Variants in LYZL4 observed in about 807,000 individuals in gnomAD.
LYZL4 encodes the protein lysozyme-like protein 4.
A neutral mutation model predicts 17.6 loss-of-function variants in LYZL4; 13 were observed. The ratio of observed to expected loss-of-function variants is 0.74; its 90% CI spans 0.48 to 1.18. The LOEUF (loss-of-function observed/expected upper bound fraction) is 1.18, where lower values mean the gene tolerates loss of function less well. Ranked by LOEUF, LYZL4 falls within the 50% of genes most tolerant of loss-of-function variation. The pLI, the probability that LYZL4 is intolerant of heterozygous loss-of-function variation, is 0.00. For synonymous variants in LYZL4, 64 were observed against 67.7 expected, an observed-to-expected ratio of 0.95 and a Z score of 0.27; for missense variants, 174 against 188.2, an observed-to-expected ratio of 0.92 and a Z score of 0.44.
chr3:42,374,834 C>CT, the LYZL4 span, among the ~76,000 whole-genome samples: 3 of 151,966 alleles, frequency 2.0e-5, no homozygotes, highest in Admixed American at 6.6e-5. Flanking sequence ...TTTTTTAAAA[C>CT]TTTTTTGAGA....
chr3:42,395,613 A>T (rs1334132980), downstream of LYZL4, among the ~76,000 whole-genome samples: 1 of 152,116 alleles, frequency 6.6e-6, no homozygotes, highest in African/African-American at 2.4e-5. Context: ...CAGTGAGGGG[A>T]TATTCTTAAT....
At chr3:42,405,073 G>C (rs1490669660) in intron 3 of LYZL4, among the ~76,000 whole-genome samples, 1 of 151,918 alleles carries the variant, frequency 6.6e-6, no homozygotes, top group African/African-American at 2.4e-5. Flanking sequence ...TTTTGAGAGG[G>C]ATTCTCGCTC....
the LYZL4 span, among the ~76,000 whole-genome samples, chr3:42,367,310 A>G: frequency 1.3e-5 from 2 of 152,250 alleles, no homozygotes; most frequent in African/African-American, 2.4e-5. Flanking sequence ...AATCCCTGAT[A>G]TGACACTTGG....
chr3:42,374,693 G>A, the LYZL4 span, among the ~76,000 whole-genome samples: 1 of 152,044 alleles, frequency 6.6e-6, no homozygotes, highest in African/African-American at 2.4e-5. Flanking sequence ...CTGTATCCTC[G>A]CCACTGGTGC....
At chr3:42,384,193 G>A in the LYZL4 span, among the ~76,000 whole-genome samples, 4 of 152,310 alleles carry the variant, frequency 2.6e-5, no homozygotes, top group East Asian at 3.9e-4. Context: ...TTTTGACTTA[G>A]AGTTCTGCAC....
the LYZL4 span, among the ~76,000 whole-genome samples, chr3:42,385,641 G>T: frequency 4.6e-5 from 7 of 152,070 alleles, no homozygotes; most frequent in Non-Finnish European, 1.0e-4. Context: ...AGGCCCTGTG[G>T]GATTATGGGG....
At chr3:42,387,602 C>G in the LYZL4 span, among the ~76,000 whole-genome samples, 1 of 152,174 alleles carries the variant, frequency 6.6e-6, no homozygotes, top group Non-Finnish European at 1.5e-5. Context: ...GCTCCACCAC[C>G]CCAACTCTCC....
chr3:42,408,925 CCT>C (rs368742496), intron 1 of LYZL4, among the ~76,000 whole-genome samples: 3 of 152,202 alleles, frequency 2.0e-5, no homozygotes, highest in African/African-American at 7.2e-5. Context: ...AAAATTGCCC[CCT>C]GTTGAGAAAT....
the LYZL4 span, among the ~76,000 whole-genome samples, chr3:42,371,872 T>C: frequency 1.3e-5 from 2 of 152,172 alleles, no homozygotes; most frequent in African/African-American, 4.8e-5. Flanking sequence ...CAAAACAGAC[T>C]AGAGAGCCTC....
At chr3:42,402,136 TAAAAAAAAA>T (rs61260579) in intron 4 of LYZL4, among the ~76,000 whole-genome samples, 1 of 124,096 alleles carries the variant, frequency 8.1e-6, no homozygotes, top group African/African-American at 3.1e-5. Context: ...TTGAGAAGGT[TAAAAAAAAA>T]AAAAAAAAAA....
At chr3:42,393,223 G>T (rs1698510733), downstream of LYZL4, among the ~76,000 whole-genome samples, 1 of 152,182 alleles carries the variant, frequency 6.6e-6, no homozygotes, top group Admixed American at 6.5e-5. Flanking sequence ...ACAACTTAGG[G>T]ACAATCGTGG....
chr3:42,389,050 C>T, the LYZL4 span, among the ~76,000 whole-genome samples: 2 of 152,224 alleles, frequency 1.3e-5, no homozygotes. Context: ...CTTCAAAGTG[C>T]AAATGGCCAA....
At chr3:42,409,327 G>T (rs531767271) in intron 1 of LYZL4, among the ~76,000 whole-genome samples, 97 of 152,208 alleles carry the variant, frequency 6.4e-4, no homozygotes, top group Non-Finnish European at 1.1e-3. Context: ...TCTTAGCTCT[G>T]GTTGCACCCC....
chr3:42,398,292 A>G (rs1698591062), intron 4 of LYZL4, among the ~76,000 whole-genome samples: 1 of 152,184 alleles, frequency 6.6e-6, no homozygotes, highest in African/African-American at 2.4e-5. Flanking sequence ...CTGTTAGCTT[A>G]ATTAGCTTCC....
chr3:42,400,627 T>C (rs1698637233), intron 4 of LYZL4, among the ~76,000 whole-genome samples: 1 of 152,222 alleles, frequency 6.6e-6, no homozygotes, highest in Admixed American at 6.5e-5. Flanking sequence ...GGGGGCATAA[T>C]ACATTGGTTA....
intron 4 of LYZL4, among the ~76,000 whole-genome samples, chr3:42,399,544 A>G (rs1698616871): frequency 2.0e-5 from 3 of 152,198 alleles, no homozygotes; most frequent in Admixed American, 2.0e-4. Flanking sequence ...GCCAAGATTC[A>G]TGAGCTCTAT....
chr3:42,362,940 G>A, the LYZL4 span, among the ~76,000 whole-genome samples: 2 of 152,176 alleles, frequency 1.3e-5, no homozygotes, highest in African/African-American at 4.8e-5. Context: ...TCTCCTGAAA[G>A]ATGCAACATG....
At chr3:42,361,841 C>T in the LYZL4 span, among the ~76,000 whole-genome samples, 3 of 152,304 alleles carry the variant, frequency 2.0e-5, no homozygotes, top group Middle Eastern at 3.4e-3. Context: ...CACAAATACA[C>T]GACCTCTCCC....
rs149603356 is a variant in LYZL4, at chr3:42,409,641, C to T, written c.-93+776G>A. 6.0e-3 allele frequency among the ~76,000 whole-genome samples: 912 copies of T among 152,306 alleles called. 6 individuals carry two copies. The highest frequency in any genetic ancestry group is 0.017 in the African/African-American group (694 of 41,542). On this transcript the variant is annotated intron_variant, in intron 1 of 4. Transcript: ENST00000287748. Reference sequence around the variant, plus strand: ...TTTCTGCCATCATCCTAATCCAGACCACCATCACCTCTAAGGTGGAGACTT... The same window carrying T: ...TTTCTGCCATCATCCTAATCCAGACTACCATCACCTCTAAGGTGGAGACTT...
Sources: allele counts gnomAD v4.1 joint callset (sites outside exome capture counted in the v4.1 genomes callset), GRCh38; gene constraint gnomAD v4.1.1; transcripts MANE v1.5; gene names NCBI Gene and HGNC (gene_info 2026-07-23, HGNC 2026-07-21).